WDFY3: variants seen among roughly 807,000 people sequenced by gnomAD.
The protein encoded by WDFY3 is WD repeat and FYVE domain-containing protein 3.
A neutral mutation model predicts 409.6 loss-of-function variants in WDFY3; 66 were observed. The observed-to-expected ratio is 0.16, with a 90% CI of 0.13 to 0.20. WDFY3 has a LOEUF of 0.20. WDFY3 is among the 10% of genes least tolerant of loss of function. WDFY3 has a pLI of 1.00. For missense variants in WDFY3, 3,031 were observed against 4,298.1 expected (o/e 0.71, Z 8.24); for synonymous variants, 1,521 against 1,537.1 (o/e 0.99, Z 0.25).
chr4:84,809,445 C>T (rs1397960143), intron 14 of WDFY3: 2 of 154,062 alleles, frequency 1.3e-5, no homozygotes, highest in African/African-American at 4.8e-5. Context: ...ACTGACACCT[C>T]TCTTTGGGAA....
At position 84,713,250 on chromosome 4, in the gene WDFY3, T is replaced by C; in HGVS notation, c.7962-11A>G. The C allele has an allele frequency of 6.2e-7, 1 of 1,608,000 alleles. No individual in the cohort carries two copies. The highest frequency in any genetic ancestry group is 8.5e-7 in the Non-Finnish European group (1 of 1,174,510). The stretch of plus-strand genomic sequence containing the variant: ...ACTACAGCCAAAAACCTGAAAAATT[T>C]AAAATAGCGTAAAATTACAAGTGAA... On this transcript the variant is annotated splice_polypyrimidine_tract_variant and intron_variant, in intron 50 of 67. Coordinates refer to ENST00000295888, the MANE Select transcript of WDFY3 (RefSeq NM_014991.6).
Position 84,679,155 on chromosome 4 carries a change from G to T in WDFY3, c.9911C>A (p.Pro3304His), listed in dbSNP as rs774041250. 2.5e-6 allele frequency: 4 copies of T among 1,613,642 alleles called. No homozygotes were observed. In the African/African-American group the frequency reaches 4.0e-5, roughly 16 times the overall value. Residue 3304 changes from proline to histidine, a missense_variant, in exon 65 of 68, where the codon CCC becomes CAC. Coordinates refer to ENST00000295888, the MANE Select transcript of WDFY3 (RefSeq NM_014991.6). ...CCGGGGCCTGTGGCTGGTGCTGCTGGGTTGGCTTGGAGTGTCCTTAGGGTC... is the reference window on the plus strand; with the variant it reads ...CCGGGGCCTGTGGCTGGTGCTGCTGTGTTGGCTTGGAGTGTCCTTAGGGTC... ...SQDPKDTPSQ[P>H]SSTSHRPRAA... is the part of the protein sequence containing the mutation.
intron 3 of WDFY3, among the ~76,000 whole-genome samples, chr4:84,895,707 G>A (rs1198711464): frequency 2.6e-5 from 4 of 152,162 alleles, no homozygotes; most frequent in Admixed American, 1.3e-4. Context: ...TGCTTTCAGC[G>A]ATAAAGGCAG....
intron 63 of WDFY3, 120 bp downstream of exon 63, chr4:84,683,823 G>A: frequency 1.9e-6 from 2 of 1,053,782 alleles, no homozygotes; most frequent in Non-Finnish European, 2.7e-6. Flanking sequence ...GTCTGAGCTG[G>A]AGCGAGAGTT....
intron 64 of WDFY3, among the ~76,000 whole-genome samples, chr4:84,680,998 G>T (rs1045102920): frequency 2.6e-5 from 4 of 152,120 alleles, no homozygotes; most frequent in Admixed American, 2.6e-4. Flanking sequence ...GGGGGCTATT[G>T]GACTAATGTG....
chr4:84,811,117 C>T (rs1018022428), intron 13 of WDFY3, among the ~76,000 whole-genome samples: 1 of 152,094 alleles, frequency 6.6e-6, no homozygotes, highest in African/African-American at 2.4e-5. Context: ...CGTGCCTCAG[C>T]CTCCTGAGTA....
At position 84,684,060 on chromosome 4, in the gene WDFY3, C is replaced by T. The variant is rs1727881668; in HGVS notation, c.9609G>A (p.Val3203=). The stretch of plus-strand genomic sequence containing the variant: ...TCCTACCTGTGAACGTGTTGACACT[C>T]ACGATAGGGTTCCCATTGATGCTCC... The part of the protein sequence containing the change: ...HVWSINGNPI[V]SVNTFTGRSQ... The change falls in exon 63 of 68, where the codon GTG becomes GTA. Residue 3203 remains valine, a synonymous_variant. Transcript: ENST00000295888. 1 of 1,613,298 alleles carries T rather than the reference C, an allele frequency of 6.2e-7. No individual in the cohort carries two copies.
chr4:84,860,567 C>G lies in WDFY3; in HGVS notation c.25G>C (p.Gly9Arg). The G allele has an allele frequency of 6.2e-7, 1 of 1,610,534 alleles. No individual in the cohort carries two copies. The highest frequency in any genetic ancestry group is 8.5e-7 in the Non-Finnish European group (1 of 1,177,628). MNMVKRIM[G>R]RPRQEECSPQ... Reference sequence around the variant, plus strand: ...CTGCACTCCTCCTGCCTCGGCCGCCCCATGATCCTCTTCACCATGTTCATC... The same window carrying G: ...CTGCACTCCTCCTGCCTCGGCCGCCGCATGATCCTCTTCACCATGTTCATC... The change falls in exon 4 of 68, where the codon GGG becomes CGG. Residue 9 changes from glycine (G) to arginine (R), a missense_variant. Around this residue, in one of 16 missense-constraint regions of WDFY3, gnomAD observed 1,322 missense variants for 1,697.9 expected, o/e 0.78. Coordinates refer to ENST00000295888, the MANE Select transcript of WDFY3 (RefSeq NM_014991.6).
intron 53 of WDFY3, among the ~76,000 whole-genome samples, chr4:84,705,739 C>T (rs746319979): frequency 4.6e-5 from 7 of 152,138 alleles, no homozygotes; most frequent in African/African-American, 7.2e-5. Context: ...AAGACAAGTG[C>T]TTTGGAAATT....
At chr4:84,864,801 G>C (rs923929036) in intron 3 of WDFY3, among the ~76,000 whole-genome samples, 1 of 152,166 alleles carries the variant, frequency 6.6e-6, no homozygotes, top group Non-Finnish European at 1.5e-5. Flanking sequence ...TGGAAACTGT[G>C]ACTCTAGTTA....
chr4:84,739,244 C>T, intron 39 of WDFY3, 125 bp from the exon 40 acceptor site: 1 of 914,444 alleles, frequency 1.1e-6, no homozygotes, highest in Non-Finnish European at 1.7e-6. Context: ...ATGCACAGAA[C>T]AGAATTCTAG....
chr4:84,897,364 G>A (rs1765774940), intron 2 of WDFY3, among the ~76,000 whole-genome samples: 1 of 151,854 alleles, frequency 6.6e-6, no homozygotes, highest in Non-Finnish European at 1.5e-5. Flanking sequence ...TATGGAAAAT[G>A]CACTTTTTTT....
rs1264468618 is a variant in WDFY3 at position 84,669,814 on chromosome 4, C to T, written c.*3054G>A. On this transcript the variant is annotated 3_prime_UTR_variant, in exon 68 of 68. Coordinates refer to ENST00000295888, the MANE Select transcript of WDFY3 (RefSeq NM_014991.6). ...AGTCTTAGCCAGTATCTTCAATTTA[C>T]TTCTGTTGCTGTACAAATAATTGGC... 3 of 151,468 alleles carry T rather than the reference C, an allele frequency of 2.0e-5. No individual in the cohort carries two copies. Among genetic ancestry groups the T allele is most frequent in the African/African-American group, 4.9e-5 (2 of 41,130 alleles). The allele number at this position is 151,468 out of a possible 1,614,324, so 9.4% of individuals were successfully genotyped here.
intron 46 of WDFY3, 72 bp downstream of exon 46, chr4:84,724,354 A>T: frequency 6.6e-7 from 1 of 1,526,106 alleles, no homozygotes; most frequent in Non-Finnish European, 8.8e-7. Context: ...TAGTTGCTCA[A>T]ATTTTTGTAT....
intron 5 of WDFY3, 38 bp from the exon 6 acceptor site, chr4:84,841,301 A>T: frequency 6.4e-7 from 1 of 1,562,480 alleles, no homozygotes; most frequent in Non-Finnish European, 8.7e-7. Flanking sequence ...GTGGGGGAAA[A>T]GTCACATATA....
At chr4:84,927,635 C>CA (rs935589218) in intron 2 of WDFY3, among the ~76,000 whole-genome samples, 6 of 152,200 alleles carry the variant, frequency 3.9e-5, no homozygotes, top group African/African-American at 1.4e-4. Flanking sequence ...AGGTTTCCCC[C>CA]ATGCTGTTGT....
chr4:84,805,320 A>T (rs1297425606), intron 15 of WDFY3, among the ~76,000 whole-genome samples: 1 of 152,190 alleles, frequency 6.6e-6, no homozygotes. Context: ...TTATTACAGT[A>T]GTACATTTTT....
intron 1 of WDFY3, among the ~76,000 whole-genome samples, chr4:84,953,437 GA>G (rs1466246735): frequency 6.6e-6 from 1 of 151,958 alleles, no homozygotes; most frequent in Non-Finnish European, 1.5e-5. Flanking sequence ...TGACACAGGG[GA>G]AAAATGGGTA....
chr4:84,709,273 CATATA>C lies in WDFY3; in HGVS notation c.8097+15_8097+19del. 6.2e-7 allele frequency: 1 copy of C among 1,602,120 alleles called. No individual in the cohort carries two copies. Among genetic ancestry groups the C allele is most frequent in the Non-Finnish European group, 8.5e-7 (1 of 1,175,816 alleles). On this transcript the variant is annotated intron_variant, in intron 52 of 67. Coordinates refer to ENST00000295888, the MANE Select transcript of WDFY3 (RefSeq NM_014991.6). ...CTAATTACGAACTTCTAAGGAAGCTCATATATTCATTAAACTTACCTCCCATCTCT... is the reference window on the plus strand; with the variant it reads ...CTAATTACGAACTTCTAAGGAAGCTCTTCATTAAACTTACCTCCCATCTCT...
Sources: gnomAD v4.1 joint callset for allele counts (sites outside exome capture counted in the v4.1 genomes callset) on GRCh38, gnomAD v4.1.1 for gene constraint, gnomAD v4.1.1 regional missense constraint, MANE v1.5 for transcripts, NCBI Gene and HGNC (gene_info 2026-07-23, HGNC 2026-07-21) for gene names.